GCLC: variants seen among roughly 807,000 people sequenced by gnomAD.
GCLC encodes glutamate--cysteine ligase catalytic subunit.
In GCLC, 30 loss-of-function variants were observed where a neutral mutation model predicts 81.5. That is an observed-to-expected ratio of 0.37 (90% confidence interval 0.28 to 0.50). The LOEUF (loss-of-function observed/expected upper bound fraction) is 0.50, where lower values mean the gene tolerates loss of function less well. GCLC is among the 20% of genes least tolerant of loss of function. GCLC has a pLI of 0.96. For synonymous variants in GCLC, 262 were observed against 273.3 expected (o/e 0.96, Z 0.41); for missense variants, 556 against 777.4 (o/e 0.72, Z 3.39).
In GCLC at chr6:53,506,071, A is replaced by G. The variant is rs1020065555; in HGVS notation, c.1198-176T>C. 8 of 614,610 alleles carry G rather than the reference A, an allele frequency of 1.3e-5. No homozygotes were observed. The highest frequency in any genetic ancestry group is 9.1e-5 in the Admixed American group (4 of 43,756). The allele number at this position is 614,610 out of a possible 1,614,324, so 38.1% of individuals were successfully genotyped here. On this transcript the variant is annotated intron_variant, in intron 10 of 15. Coordinates refer to ENST00000650454, the MANE Select transcript of GCLC (RefSeq NM_001498.4). The surrounding 1 kb of genome is among the most constrained non-coding windows in gnomAD (Gnocchi z 4.0). ...TCGAGTGTGCTCTTTTAGGAAAACAAAACAGCCAAGTGTTTAACAAAAGCT... is the reference window on the plus strand; with the variant it reads ...TCGAGTGTGCTCTTTTAGGAAAACAGAACAGCCAAGTGTTTAACAAAAGCT...
intron 8 of GCLC, among the ~76,000 whole-genome samples, chr6:53,507,919 A>C (rs983234886): frequency 1.8e-4 from 28 of 152,234 alleles, no homozygotes; most frequent in Admixed American, 1.6e-3. Flanking sequence ...TCTATAACGT[A>C]AGATAAACCT....
intron 9 of GCLC, 39 bp downstream of exon 9, chr6:53,507,441 G>C: frequency 1.2e-6 from 2 of 1,606,298 alleles, no homozygotes; most frequent in Non-Finnish European, 1.7e-6. Flanking sequence ...AGAACTAAAG[G>C]CGTACATTCA....
At chr6:53,524,986 C>A (rs1233663233) in intron 1 of GCLC, among the ~76,000 whole-genome samples, 1 of 152,130 alleles carries the variant, frequency 6.6e-6, no homozygotes, top group Non-Finnish European at 1.5e-5. Flanking sequence ...TGTTAACAAA[C>A]CAAACTCTCC....
chr6:53,542,728 G>A (rs912638131), intron 1 of GCLC, among the ~76,000 whole-genome samples: 4 of 152,160 alleles, frequency 2.6e-5, no homozygotes, highest in African/African-American at 9.7e-5. Flanking sequence ...GTCAAAAGCA[G>A]CACAGGGCCC....
chr6:53,534,783 G>A (rs192123578), intron 1 of GCLC, among the ~76,000 whole-genome samples: 123 of 152,232 alleles, frequency 8.1e-4, no homozygotes, highest in East Asian at 5.8e-4. Flanking sequence ...ACCTATACAC[G>A]AAAAACTACA....
At chr6:53,525,287 G>A (rs1402335721) in intron 1 of GCLC, among the ~76,000 whole-genome samples, 3 of 152,018 alleles carry the variant, frequency 2.0e-5, no homozygotes, top group Non-Finnish European at 1.5e-5. Flanking sequence ...GTTTATTTCC[G>A]ATTAGAGCCT....
chr6:53,499,911 A>G, intron 15 of GCLC, 134 bp downstream of exon 15: 1 of 707,382 alleles, frequency 1.4e-6, no homozygotes, highest in Non-Finnish European at 2.5e-6. Flanking sequence ...AGGTGAATAC[A>G]ATTGCAGAAA....
chr6:53,529,267 C>T (rs17883125), intron 1 of GCLC, among the ~76,000 whole-genome samples: 5,494 of 152,256 alleles, frequency 0.036, 171 homozygotes, highest in Middle Eastern at 0.086. Context: ...TAGACCTGCT[C>T]TTTCATGCTC....
At chr6:53,517,246 C>G (rs1387023451) in intron 3 of GCLC, among the ~76,000 whole-genome samples, 1 of 110,852 alleles carries the variant, frequency 9.0e-6, no homozygotes, top group Non-Finnish European at 1.8e-5. Context: ...GTCACTGTAC[C>G]AAGTTTTTTT....
intron 3 of GCLC, among the ~76,000 whole-genome samples, chr6:53,517,834 C>T (rs558455987): frequency 6.6e-6 from 1 of 152,330 alleles, no homozygotes; most frequent in African/African-American, 2.4e-5. Context: ...CACGTGGCTA[C>T]TGAGCCCTTG....
chr6:53,529,786 GC>G (rs1763142357), intron 1 of GCLC, among the ~76,000 whole-genome samples: 2 of 152,254 alleles, frequency 1.3e-5, no homozygotes, highest in African/African-American at 2.4e-5. Context: ...CAACTGCCCT[GC>G]AGTAGCCAGA....
chr6:53,539,301 T>G (rs748973247), intron 1 of GCLC, among the ~76,000 whole-genome samples: 1 of 152,158 alleles, frequency 6.6e-6, no homozygotes, highest in Non-Finnish European at 1.5e-5. Flanking sequence ...GAACTTCTGT[T>G]TCCCACAGAA....
intron 12 of GCLC, among the ~76,000 whole-genome samples, chr6:53,502,951 T>C (rs994823872): frequency 2.6e-5 from 4 of 152,172 alleles, no homozygotes; most frequent in Non-Finnish European, 5.9e-5. Flanking sequence ...CTTAAAGAGG[T>C]AGTTTTGAAA....
intron 7 of GCLC, 151 bp from the exon 8 acceptor site, chr6:53,508,862 C>T (rs914887860): frequency 1.3e-5 from 9 of 690,626 alleles, no homozygotes; most frequent in Non-Finnish European, 2.1e-5. Context: ...GTGAAATATA[C>T]CAGGAAGAAT....
chr6:53,540,705 A>ACACACACACACAC (rs58342057), intron 1 of GCLC, among the ~76,000 whole-genome samples: 1 of 150,684 alleles, frequency 6.6e-6, no homozygotes, highest in African/African-American at 2.5e-5. Context: ...ACACACACAC[A>ACACACACACACAC]AAAGTCCTGG....
chr6:53,524,586 C>T (rs181148783), intron 1 of GCLC, among the ~76,000 whole-genome samples: 4 of 152,258 alleles, frequency 2.6e-5, no homozygotes, highest in Admixed American at 2.6e-4. Context: ...CCTAACTCTC[C>T]CAGCTAGGAG....
At position 53,505,856 on chromosome 6, in the gene GCLC, G is replaced by A. The variant is rs767372950; in HGVS notation, c.1237C>T (p.Pro413Ser). Residue 413 changes from proline (P) to serine (S), a missense_variant, in exon 11 of 16, where the codon CCC becomes TCC. By Grantham distance (74) the Pro-to-Ser change is moderately conservative. Coordinates refer to ENST00000650454, the MANE Select transcript of GCLC (RefSeq NM_001498.4). ...CCAATGTCTGAGTTTGGAGGAGGGG[G>A]CTTAAATCTCATTGTCTGCCAATTT... Reference protein sequence around the residue: ...STNWQTMRFKPPPPNSDIGWR... With the variant: ...STNWQTMRFKSPPPNSDIGWR... 3 of 1,612,076 alleles carry A rather than the reference G, an allele frequency of 1.9e-6. No individual in the cohort carries two copies. The highest frequency in any genetic ancestry group is 4.5e-5 in the East Asian group (2 of 44,856).
At chr6:53,507,893 CAAAT>C (rs922566612) in intron 8 of GCLC, among the ~76,000 whole-genome samples, 36 of 152,016 alleles carry the variant, frequency 2.4e-4, no homozygotes, top group African/African-American at 7.0e-4. Context: ...AGGTTAAAAG[CAAAT>C]AAATAAATAA....
intron 1 of GCLC, among the ~76,000 whole-genome samples, chr6:53,538,915 C>A (rs1397823757): frequency 9.2e-5 from 14 of 152,106 alleles, no homozygotes. Flanking sequence ...AAAAGAAATT[C>A]AATGAAATTT....
Sources: allele counts gnomAD v4.1 joint callset (sites outside exome capture counted in the v4.1 genomes callset), GRCh38; gene constraint gnomAD v4.1.1; non-coding constraint Gnocchi (gnomAD v3.1); transcripts MANE v1.5; gene names NCBI Gene and HGNC (gene_info 2026-07-23, HGNC 2026-07-21).